The following IL15 variants were observed in gnomAD, a reference collection of about 807,000 sequenced individuals.
The protein encoded by IL15 is interleukin-15.
Under a neutral mutation model 19.6 loss-of-function variants are expected in IL15, and 11 were observed. The observed-to-expected ratio is 0.56, with a 90% CI of 0.35 to 0.93. The LOEUF (loss-of-function observed/expected upper bound fraction) is 0.93. Ranked by LOEUF, IL15 falls within the 40% of genes least tolerant of loss-of-function variation. The pLI, the probability that IL15 is intolerant of heterozygous loss-of-function variation, is 0.01. For synonymous variants in IL15, 58 were observed against 59.6 expected (o/e 0.97, Z 0.12); for missense variants, 197 against 186.5 (o/e 1.06, Z -0.33).
At chr4:141,699,079 G>T (rs529403311) in intron 2 of IL15, among the ~76,000 whole-genome samples, 1 of 152,002 alleles carries the variant, frequency 6.6e-6, no homozygotes, top group African/African-American at 2.4e-5. Flanking sequence ...TGATTTTATT[G>T]TTAAGCCAAA....
At chr4:141,656,589 G>A (rs979522561) in intron 2 of IL15, among the ~76,000 whole-genome samples, 1 of 152,080 alleles carries the variant, frequency 6.6e-6, no homozygotes, top group South Asian at 2.1e-4. Flanking sequence ...AGTCAACTCT[G>A]CCCTATTACC....
chr4:141,721,986 A>C lies in IL15; in HGVS notation c.173A>C (p.Lys58Thr). 1 of 1,592,606 alleles carries C rather than the reference A, an allele frequency of 6.3e-7. No homozygotes were observed. The highest frequency in any genetic ancestry group is 8.6e-7 in the Non-Finnish European group (1 of 1,163,850). The change falls in exon 5 of 8, where the codon AAA becomes ACA. Residue 58 changes from lysine (K) to threonine (T), a missense_variant. Coordinates refer to ENST00000320650, the MANE Select transcript of IL15 (RefSeq NM_000585.5). ...TGGGTGAATGTAATAAGTGATTTGA[A>C]AAAAATTGAAGATCTTATTCAAGTG... ...ANWVNVISDL[K>T]KIEDLIQSMH...
intron 5 of IL15, among the ~76,000 whole-genome samples, chr4:141,722,457 A>G (rs898116575): frequency 6.6e-6 from 1 of 152,208 alleles, no homozygotes; most frequent in East Asian, 1.9e-4. Context: ...GCATACCAAA[A>G]TAGCACCACA....
chr4:141,684,136 A>T (rs1728632865), intron 2 of IL15, among the ~76,000 whole-genome samples: 1 of 152,198 alleles, frequency 6.6e-6, no homozygotes, highest in Admixed American at 6.5e-5. Context: ...CCCAGCCTGT[A>T]CCCAGACAGC....
chr4:141,674,554 C>T (rs1279856570), intron 2 of IL15, among the ~76,000 whole-genome samples: 1 of 150,802 alleles, frequency 6.6e-6, no homozygotes, highest in South Asian at 2.1e-4. Flanking sequence ...CCACTGCACT[C>T]CAGCCTGAGT....
intron 2 of IL15, among the ~76,000 whole-genome samples, chr4:141,666,073 T>TTTTA (rs1042750888): frequency 1.2e-5 from 1 of 83,306 alleles, no homozygotes; most frequent in Non-Finnish European, 2.4e-5. Context: ...GACTCATCCT[T>TTTTA]TTTATTTATT....
intron 1 of IL15, among the ~76,000 whole-genome samples, chr4:141,643,685 T>C (rs997850560): frequency 6.6e-6 from 1 of 152,096 alleles, no homozygotes; most frequent in African/African-American, 2.4e-5. Context: ...AACATGTAAA[T>C]ATAGCTGTCT....
chr4:141,707,627 G>T (rs1465507400), intron 2 of IL15, among the ~76,000 whole-genome samples: 1 of 152,194 alleles, frequency 6.6e-6, no homozygotes, highest in African/African-American at 2.4e-5. Context: ...GGACTCAGTA[G>T]CACGGTATCT....
At chr4:141,692,853 T>G (rs1361800814) in intron 2 of IL15, among the ~76,000 whole-genome samples, 3 of 151,760 alleles carry the variant, frequency 2.0e-5, no homozygotes, top group African/African-American at 7.3e-5. Flanking sequence ...CGTCTGCCTA[T>G]TACCCAGTTC....
chr4:141,720,980 T>C, intron 4 of IL15: 1 of 587,850 alleles, frequency 1.7e-6, no homozygotes, highest in South Asian at 2.2e-5. Context: ...CATTTCTTTC[T>C]TTATTTAAGC....
intron 2 of IL15, among the ~76,000 whole-genome samples, chr4:141,671,507 T>A (rs547704845): frequency 3.3e-5 from 5 of 152,302 alleles, no homozygotes; most frequent in Non-Finnish European, 5.9e-5. Context: ...TTCTCATTGT[T>A]TTACTGGTTG....
At chr4:141,709,929 C>T (rs973284168) in intron 2 of IL15, among the ~76,000 whole-genome samples, 2 of 151,836 alleles carry the variant, frequency 1.3e-5, no homozygotes, top group African/African-American at 4.8e-5. Context: ...CTCCCACCCT[C>T]CCCCCACACT....
At position 141,672,522 on chromosome 4, in the gene IL15, G is replaced by A. The variant is rs549995400; in HGVS notation, c.-100+16215G>A. Among the ~76,000 whole-genome samples the A allele has an allele frequency of 2.0e-5, 3 of 152,238 alleles. No homozygotes were observed. In the East Asian group the frequency reaches 5.8e-4, roughly 29 times the overall value. ...TATGTTGTTGCATTGATTTATTTCT[G>A]TTGTTTTGAAGTCTCAGTGAATTTA... On this transcript the variant is annotated intron_variant, in intron 2 of 7. Coordinates refer to ENST00000320650, the MANE Select transcript of IL15 (RefSeq NM_000585.5).
At chr4:141,730,052 T>C (rs1730401323) in intron 7 of IL15, 68 bp downstream of exon 7, 4 of 1,258,152 alleles carry the variant, frequency 3.2e-6, no homozygotes, top group Non-Finnish European at 3.5e-6. Flanking sequence ...AAGTCATTCA[T>C]GGACAAGCAG....
At chr4:141,673,314 C>A (rs991509061) in intron 2 of IL15, among the ~76,000 whole-genome samples, 48 of 152,144 alleles carry the variant, frequency 3.2e-4, no homozygotes, top group African/African-American at 1.1e-3. Context: ...ACAGATCAAA[C>A]ATTCTGCTTT....
At chr4:141,674,342 T>C (rs1157218086) in intron 2 of IL15, among the ~76,000 whole-genome samples, 1 of 152,178 alleles carries the variant, frequency 6.6e-6, no homozygotes, top group Non-Finnish European at 1.5e-5. Context: ...AACAAACCTG[T>C]AAGTCTGTTC....
intron 7 of IL15, among the ~76,000 whole-genome samples, chr4:141,730,638 C>A (rs550019409): frequency 6.6e-6 from 1 of 152,042 alleles, no homozygotes; most frequent in Non-Finnish European, 1.5e-5. Context: ...TCTGGGACAT[C>A]CCAGGCAACT....
Position 141,708,396 on chromosome 4 carries a change from T to C in IL15, c.-99-10970T>C, listed in dbSNP as rs1560930749. 2.0e-5 allele frequency among the ~76,000 whole-genome samples: 3 copies of C among 152,226 alleles called. No individual in the cohort carries two copies. The South Asian group carries it at 6.2e-4, about 32-fold the overall frequency. The stretch of plus-strand genomic sequence containing the variant: ...TTGGCTCCTACTAGTGGGTCTGGTT[T>C]TAAGAAGCCATTGAGCTCTATCATC... On this transcript the variant is annotated intron_variant, in intron 2 of 7. Transcript: ENST00000320650.
At chr4:141,663,014 CTCATTAAAAAAGTAA>C (rs960147855) in intron 2 of IL15, among the ~76,000 whole-genome samples, 1 of 151,498 alleles carries the variant, frequency 6.6e-6, no homozygotes, top group Non-Finnish European at 1.5e-5. Context: ...AATCCAGCAA[CTCATTAAAAAAGTAA>C]TCATTAAAAA....
Sources: allele counts gnomAD v4.1 joint callset (sites outside exome capture counted in the v4.1 genomes callset), GRCh38; gene constraint gnomAD v4.1.1; transcripts MANE v1.5; gene names NCBI Gene and HGNC (gene_info 2026-07-23, HGNC 2026-07-21).